The following MMS22L variants were observed in gnomAD, a reference collection of about 807,000 sequenced individuals.
MMS22L encodes the protein MMS22 like, DNA repair protein.
In MMS22L, 74 loss-of-function variants were observed where a neutral mutation model predicts 159.1. The ratio of observed to expected loss-of-function variants is 0.47; its 90% CI spans 0.39 to 0.56. MMS22L has a LOEUF of 0.56. Among genes scored for constraint, MMS22L ranks in the 20% least tolerant of loss-of-function variants. The probability of loss-of-function intolerance (pLI) is 0.00; values close to 1 mark genes in which losing one functional copy is unlikely to be tolerated. For missense variants in MMS22L, 1,351 were observed against 1,422.1 expected, an observed-to-expected ratio of 0.95 and a Z score of 0.80; for synonymous variants, 517 against 506.9, an observed-to-expected ratio of 1.02 and a Z score of -0.27.
intron 24 of MMS22L, among the ~76,000 whole-genome samples, chr6:97,147,381 T>G (rs1365027978): frequency 1.3e-5 from 2 of 152,202 alleles, no homozygotes; most frequent in African/African-American, 4.8e-5. Context: ...TCCTACATTC[T>G]CTAGTACTTC....
At chr6:97,239,538 A>T (rs1811828002) in intron 11 of MMS22L, among the ~76,000 whole-genome samples, 1 of 152,234 alleles carries the variant, frequency 6.6e-6, no homozygotes, top group African/African-American at 2.4e-5. Context: ...TCTCTTTACT[A>T]AACTAAAACT....
At chr6:97,260,524 C>T (rs767377678) in intron 9 of MMS22L, 11 of 152,138 alleles carry the variant, frequency 7.2e-5, no homozygotes, top group Non-Finnish European at 1.2e-4. Context: ...TTCCATCCAT[C>T]CCCGGTTTTC....
Position 97,272,770 on chromosome 6 carries a change from A to G in MMS22L, c.540T>C (p.Tyr180=). 1 of 1,614,088 alleles carries G rather than the reference A, an allele frequency of 6.2e-7. No individual in the cohort carries two copies. The highest frequency in any genetic ancestry group is 8.5e-7 in the Non-Finnish European group (1 of 1,179,958). Residue 180 remains tyrosine (Y), a synonymous_variant, in exon 6 of 25, where the codon TAT becomes TAC. Coordinates refer to ENST00000683635, the MANE Select transcript of MMS22L (RefSeq NM_001350599.2). ...LIDELHGLLL[Y]IGHLSELPSV... ...TGGGAAGTTCAGATAGGTGTCCAATATACAAGAGTAATCCATGAAGCTCAT... is the reference window on the plus strand; with the variant it reads ...TGGGAAGTTCAGATAGGTGTCCAATGTACAAGAGTAATCCATGAAGCTCAT...
chr6:97,283,084 T>A lies in MMS22L; in HGVS notation c.-77+12A>T, dbSNP rs1165651276. 4.6e-5 allele frequency: 7 copies of A among 152,376 alleles called. No homozygotes were observed. The highest frequency in any genetic ancestry group is 1.4e-4 in the African/African-American group (6 of 41,580). The allele number at this position is 152,376 out of a possible 1,614,324, so 9.4% of individuals were successfully genotyped here. A position where few individuals can be genotyped will look rare whatever the true frequency, so the allele number is the denominator to read the frequency against. ...GACCCGGGGCGTCGGTTACCCGCGG[T>A]GCCTGTCGTACCCGCTCACATTTCC... is the stretch of plus-strand genomic sequence containing the variant. On this transcript the variant is annotated intron_variant, in intron 1 of 24. Transcript: ENST00000683635.
chr6:97,144,973 G>A lies in MMS22L; in HGVS notation c.*1833C>T, dbSNP rs1800841101. ...CCTTTAAACGTTTTCATACTCTAAGGAGCAAGATTCTCAAAGGTATCTTTA... is the reference window on the plus strand; with the variant it reads ...CCTTTAAACGTTTTCATACTCTAAGAAGCAAGATTCTCAAAGGTATCTTTA... On this transcript the variant is annotated 3_prime_UTR_variant, in exon 25 of 25. Coordinates refer to ENST00000683635, the MANE Select transcript of MMS22L (RefSeq NM_001350599.2). 6.8e-6 allele frequency: 1 copy of A among 147,184 alleles called. No individual in the cohort carries two copies. Among genetic ancestry groups the A allele is most frequent in the East Asian group, 2.0e-4 (1 of 5,074 alleles). The allele number at this position is 147,184 out of a possible 1,614,324, so 9.1% of individuals were successfully genotyped here.
At chr6:97,226,525 C>T (rs1810265937) in intron 14 of MMS22L, among the ~76,000 whole-genome samples, 2 of 151,914 alleles carry the variant, frequency 1.3e-5, no homozygotes, top group Admixed American at 6.6e-5. Context: ...GCCCAGGAGG[C>T]GGAGGTTGCA....
chr6:97,155,664 T>C (rs1196002333), intron 22 of MMS22L, among the ~76,000 whole-genome samples: 1 of 152,200 alleles, frequency 6.6e-6, no homozygotes, highest in African/African-American at 2.4e-5. Context: ...TATGGCTGCA[T>C]AGTATTCCAT....
intron 14 of MMS22L, among the ~76,000 whole-genome samples, chr6:97,193,997 G>A (rs922656022): frequency 2.6e-5 from 4 of 151,926 alleles, no homozygotes; most frequent in African/African-American, 4.8e-5. Flanking sequence ...TCCTGACCTC[G>A]TGATCTGCCC....
Position 97,246,623 on chromosome 6 carries a change from C to T in MMS22L, c.1182+5G>A, listed in dbSNP as rs373664316. On this transcript the variant is annotated splice_donor_5th_base_variant and intron_variant, in intron 11 of 24. Coordinates refer to ENST00000683635, the MANE Select transcript of MMS22L (RefSeq NM_001350599.2). ...TCCACAAACTGTCTTACTTTAATTG[C>T]ATACCTGAACACTGATGGACTTTTT... The T allele has an allele frequency of 6.2e-7, 1 of 1,602,924 alleles. No individual in the cohort carries two copies. Among genetic ancestry groups the T allele is most frequent in the Admixed American group, 1.7e-5 (1 of 58,202 alleles).
At chr6:97,149,152 T>A (rs1184043777) in intron 24 of MMS22L, among the ~76,000 whole-genome samples, 1 of 152,192 alleles carries the variant, frequency 6.6e-6, no homozygotes, top group Non-Finnish European at 1.5e-5. Context: ...TCACAAATGA[T>A]GAAATCGCCT....
chr6:97,157,757 C>T (rs1016428647), intron 22 of MMS22L, among the ~76,000 whole-genome samples: 2 of 152,134 alleles, frequency 1.3e-5, no homozygotes, highest in East Asian at 3.9e-4. Context: ...TGATGTTCAT[C>T]AGGGATATTG....
At chr6:97,171,895 ATCCTAAT>A (rs2128254241) in intron 19 of MMS22L, among the ~76,000 whole-genome samples, 1 of 152,258 alleles carries the variant, frequency 6.6e-6, no homozygotes, top group East Asian at 1.9e-4. Context: ...TAAGTTACCT[ATCCTAAT>A]TCCTAACAAA....
intron 16 of MMS22L, among the ~76,000 whole-genome samples, chr6:97,181,457 T>A (rs1804700566): frequency 6.6e-6 from 1 of 152,142 alleles, no homozygotes; most frequent in Non-Finnish European, 1.5e-5. Flanking sequence ...CATGATCTCA[T>A]GAGTTAAGAG....
chr6:97,180,987 A>C (rs567814411), intron 16 of MMS22L, among the ~76,000 whole-genome samples: 1 of 152,204 alleles, frequency 6.6e-6, no homozygotes, highest in African/African-American at 2.4e-5. Context: ...CACAGGCCTA[A>C]GAGGACTAAG....
chr6:97,244,755 A>G (rs1812450839), intron 11 of MMS22L, among the ~76,000 whole-genome samples: 1 of 151,726 alleles, frequency 6.6e-6, no homozygotes, highest in Admixed American at 6.6e-5. Flanking sequence ...TCCTTAATAA[A>G]CTCCCATATA....
rs144976219 is a variant in MMS22L, at chr6:97,215,966, T to A, written c.2039+12928A>T. Among the ~76,000 whole-genome samples the A allele has an allele frequency of 8.9e-4, 135 of 152,270 alleles. 1 individual carries two copies. In the East Asian group the frequency reaches 0.02, roughly 23 times the overall value. ...TAAAGAGAGAAAAATATATATCTTG[T>A]AAGGTAAAGAAGAAACAATTGAAAT... On this transcript the variant is annotated intron_variant, in intron 14 of 24. Coordinates refer to ENST00000683635, the MANE Select transcript of MMS22L (RefSeq NM_001350599.2).
intron 14 of MMS22L, among the ~76,000 whole-genome samples, chr6:97,205,773 C>T (rs760511641): frequency 5.9e-5 from 9 of 152,174 alleles, no homozygotes; most frequent in Non-Finnish European, 1.2e-4. Flanking sequence ...CATTTCCAAG[C>T]TAACAAATGC....
At chr6:97,172,801 G>A (rs1562415683) in intron 19 of MMS22L, among the ~76,000 whole-genome samples, 2 of 152,010 alleles carry the variant, frequency 1.3e-5, no homozygotes, top group Non-Finnish European at 2.9e-5. Flanking sequence ...ACAGACTACT[G>A]AAAGCAATTG....
At chr6:97,250,710 A>C (rs1375921191) in intron 10 of MMS22L, among the ~76,000 whole-genome samples, 1 of 152,198 alleles carries the variant, frequency 6.6e-6, no homozygotes, top group Non-Finnish European at 1.5e-5. Context: ...ATTTAAATCC[A>C]CTACAGGTTT....
Sources: allele counts gnomAD v4.1 joint callset (sites outside exome capture counted in the v4.1 genomes callset), GRCh38; gene constraint gnomAD v4.1.1; transcripts MANE v1.5; gene names NCBI Gene and HGNC (gene_info 2026-07-23, HGNC 2026-07-21).